FBXW4: variants seen among roughly 807,000 people sequenced by gnomAD.
FBXW4 encodes the protein F-box/WD repeat-containing protein 4.
FBXW4 carries 40 observed loss-of-function variants against 61.8 expected under a neutral mutation model. The ratio of observed to expected loss-of-function variants is 0.65; its 90% CI spans 0.50 to 0.84. The LOEUF (loss-of-function observed/expected upper bound fraction) is 0.84. Among genes scored for constraint, FBXW4 ranks in the 40% least tolerant of loss-of-function variants. The pLI is 0.00. For synonymous variants in FBXW4, 311 were observed against 313.8 expected (o/e 0.99, Z 0.10); for missense variants, 672 against 753.8 (o/e 0.89, Z 1.27).
At chr10:101,683,347 C>T (rs2064499365) in intron 1 of FBXW4, among the ~76,000 whole-genome samples, 2 of 152,258 alleles carry the variant, frequency 1.3e-5, no homozygotes. Flanking sequence ...TGCCATTTTC[C>T]CAGCCCTCCT....
intron 2 of FBXW4, 112 bp downstream of exon 2, chr10:101,676,229 G>A (rs1252044013): frequency 1.4e-6 from 1 of 717,100 alleles, no homozygotes; most frequent in Admixed American, 2.5e-5. Flanking sequence ...AGGCTCACCA[G>A]TGCCCACCCA....
intron 5 of FBXW4, among the ~76,000 whole-genome samples, chr10:101,653,240 T>C (rs889998081): frequency 6.6e-6 from 1 of 152,216 alleles, no homozygotes; most frequent in Non-Finnish European, 1.5e-5. Flanking sequence ...TCTGGTCCCT[T>C]CCTGCTAACA....
chr10:101,657,260 A>T (rs2064194279), intron 5 of FBXW4, among the ~76,000 whole-genome samples: 1 of 152,224 alleles, frequency 6.6e-6, no homozygotes, highest in South Asian at 2.1e-4. Flanking sequence ...AGGGCACCCC[A>T]GAGGCAGAGG....
At chr10:101,632,981 T>G (rs771796650) in intron 5 of FBXW4, among the ~76,000 whole-genome samples, 3 of 152,176 alleles carry the variant, frequency 2.0e-5, no homozygotes, top group Non-Finnish European at 2.9e-5. Context: ...CAGGGTCAGA[T>G]GAGGTAGCTG....
intron 5 of FBXW4, among the ~76,000 whole-genome samples, chr10:101,654,307 CA>C (rs993627576): frequency 6.6e-6 from 1 of 151,926 alleles, no homozygotes; most frequent in Non-Finnish European, 1.5e-5. Context: ...GTGATAGTTG[CA>C]CAACTTTATA....
chr10:101,652,602 A>AG (rs1469332385), intron 5 of FBXW4, among the ~76,000 whole-genome samples: 1 of 152,212 alleles, frequency 6.6e-6, no homozygotes, highest in Non-Finnish European at 1.5e-5. Context: ...GGAAAGAACT[A>AG]GAAAAAAAAG....
At chr10:101,613,738 G>A (rs2063805741) in intron 6 of FBXW4, among the ~76,000 whole-genome samples, 1 of 152,312 alleles carries the variant, frequency 6.6e-6, no homozygotes, top group Admixed American at 6.5e-5. Flanking sequence ...AGGAGACTGG[G>A]GGTTCCTTTC....
chr10:101,688,785 G>T (rs1369338948), intron 1 of FBXW4, among the ~76,000 whole-genome samples: 1 of 152,158 alleles, frequency 6.6e-6, no homozygotes, highest in Non-Finnish European at 1.5e-5. Flanking sequence ...GCAGATCAAA[G>T]AAGGGAGTCT....
rs1004001621 is a variant in FBXW4 at position 101,659,499 on chromosome 10, G to T, written c.1235+8387C>A. ...AGAAAGCTACCTAGAGACCAGCAGT[G>T]GGAAAACTAAGCCCTCAGAGGTTAT... On this transcript the variant is annotated intron_variant, in intron 5 of 8. Transcript: ENST00000331272. 39 of 878,574 alleles carry T rather than the reference G, an allele frequency of 4.4e-5. No homozygotes were observed. The Admixed American group carries it at 1.6e-3, about 35-fold the overall frequency. The allele number at this position is 878,574 out of a possible 1,614,324, so 54.4% of individuals were successfully genotyped here.
In FBXW4 at chr10:101,673,058, A is replaced by G; in HGVS notation, c.1008-11T>C. 3 of 1,612,540 alleles carry G rather than the reference A, an allele frequency of 1.9e-6. No individual in the cohort carries two copies. Among genetic ancestry groups the G allele is most frequent in the Non-Finnish European group, 2.5e-6 (3 of 1,179,650 alleles). ...CCAATCTTCCCATCCCTAGGAGAGA[A>G]ATAAGGAGCCGACCCCCAAGAACCA... is the stretch of plus-strand genomic sequence containing the variant. On this transcript the variant is annotated splice_polypyrimidine_tract_variant and intron_variant, in intron 3 of 8. Coordinates refer to ENST00000331272, the MANE Select transcript of FBXW4 (RefSeq NM_022039.4).
chr10:101,684,509 A>G (rs1471341503), intron 1 of FBXW4, among the ~76,000 whole-genome samples: 2 of 152,090 alleles, frequency 1.3e-5, no homozygotes, highest in African/African-American at 2.4e-5. Context: ...ACCTCAAATG[A>G]TCCACCTGCC....
At chr10:101,674,417 G>C in intron 2 of FBXW4, among the ~76,000 whole-genome samples, 1 of 152,126 alleles carries the variant, frequency 6.6e-6, no homozygotes, top group Non-Finnish European at 1.5e-5. Context: ...GTGTAAGTGG[G>C]AAGTTTCAAG....
At chr10:101,651,847 G>T (rs889496900) in intron 5 of FBXW4, among the ~76,000 whole-genome samples, 11 of 152,070 alleles carry the variant, frequency 7.2e-5, no homozygotes, top group African/African-American at 2.4e-4. Context: ...AGGAAAATCG[G>T]CTGGCCCATT....
intron 5 of FBXW4, among the ~76,000 whole-genome samples, chr10:101,638,121 T>TA: frequency 6.6e-6 from 1 of 152,306 alleles, no homozygotes; most frequent in South Asian, 2.1e-4. Context: ...CCTGGAAAGA[T>TA]ACCTGACCAT....
intron 5 of FBXW4, among the ~76,000 whole-genome samples, chr10:101,638,945 A>G (rs1474722655): frequency 3.3e-5 from 5 of 152,230 alleles, no homozygotes; most frequent in Non-Finnish European, 7.3e-5. Flanking sequence ...AATTATACAC[A>G]GTAGGACTAC....
chr10:101,632,375 A>C (rs879673184), intron 5 of FBXW4, among the ~76,000 whole-genome samples: 1 of 152,156 alleles, frequency 6.6e-6, no homozygotes, highest in Non-Finnish European at 1.5e-5. Flanking sequence ...GGGCCAGCAA[A>C]GCAGGGTTTC....
intron 1 of FBXW4, among the ~76,000 whole-genome samples, chr10:101,681,062 G>C (rs993456600): frequency 2.0e-5 from 3 of 152,210 alleles, no homozygotes; most frequent in African/African-American, 7.2e-5. Context: ...GGTAGAGGTG[G>C]GGAGACACTA....
intron 5 of FBXW4, among the ~76,000 whole-genome samples, chr10:101,629,789 A>G (rs1443976809): frequency 1.3e-5 from 2 of 151,672 alleles, no homozygotes; most frequent in Non-Finnish European, 2.9e-5. Flanking sequence ...TCCAGCATCT[A>G]GTATAATGCC....
intron 1 of FBXW4, among the ~76,000 whole-genome samples, chr10:101,684,471 T>TCTAA (rs2064513070): frequency 6.6e-6 from 1 of 152,152 alleles, no homozygotes; most frequent in Admixed American, 6.5e-5. Context: ...GGTTTCACCA[T>TCTAA]GTTGGCCAGG....
Sources: gnomAD v4.1 joint callset for allele counts (sites outside exome capture counted in the v4.1 genomes callset) on GRCh38, gnomAD v4.1.1 for gene constraint, MANE v1.5 for transcripts, NCBI Gene and HGNC (gene_info 2026-07-23, HGNC 2026-07-21) for gene names.